PLAC8: variants seen among roughly 807,000 people sequenced by gnomAD.
PLAC8 encodes the protein placenta associated 8.
PLAC8 carries 6 observed loss-of-function variants against 12.6 expected under a neutral mutation model. That is an observed-to-expected ratio of 0.48 (90% CI 0.26 to 0.94). The LOEUF is 0.94. Ranked by LOEUF, PLAC8 falls within the 40% of genes least tolerant of loss-of-function variation. The probability of loss-of-function intolerance (pLI) is 0.14; values close to 1 mark genes in which losing one functional copy is unlikely to be tolerated. For synonymous variants in PLAC8, 54 were observed against 52.6 expected, an observed-to-expected ratio of 1.03 and a Z score of -0.11; for missense variants, 122 against 152.7, an observed-to-expected ratio of 0.80 and a Z score of 1.06.
chr4:83,096,165 C>T (rs1560451957), intron 3 of PLAC8, among the ~76,000 whole-genome samples: 1 of 152,210 alleles, frequency 6.6e-6, no homozygotes, highest in Non-Finnish European at 1.5e-5. Context: ...AACTACGTTT[C>T]TCCCAAAGTT....
chr4:83,113,143 C>G (rs894907810), intron 1 of PLAC8, among the ~76,000 whole-genome samples: 1 of 152,202 alleles, frequency 6.6e-6, no homozygotes, highest in Non-Finnish European at 1.5e-5. Context: ...AAGTCTGTAA[C>G]GTGCACCCGC....
At chr4:83,100,674 C>A (rs1275309575) in intron 3 of PLAC8, among the ~76,000 whole-genome samples, 1 of 152,142 alleles carries the variant, frequency 6.6e-6, no homozygotes, top group Non-Finnish European at 1.5e-5. Context: ...CCTCTCTATT[C>A]CCTGAGACAC....
At chr4:83,096,753 T>C (rs560167909) in intron 3 of PLAC8, among the ~76,000 whole-genome samples, 2 of 152,378 alleles carry the variant, frequency 1.3e-5, no homozygotes, top group South Asian at 2.1e-4. Flanking sequence ...TTATTTTTCC[T>C]ACTTGATATA....
chr4:83,095,908 C>T (rs1483451701), intron 3 of PLAC8, among the ~76,000 whole-genome samples: 1 of 152,134 alleles, frequency 6.6e-6, no homozygotes, highest in African/African-American at 2.4e-5. Context: ...TGAAACTGAA[C>T]ACAGTCACGG....
intron 1 of PLAC8, among the ~76,000 whole-genome samples, chr4:83,111,966 G>A (rs7680309): frequency 0.019 from 2,941 of 152,098 alleles, 97 homozygotes; most frequent in African/African-American, 0.067. Context: ...GCTGAGGTCG[G>A]GAGTTCGAGA....
intron 4 of PLAC8, chr4:83,094,274 TATCATACAGA>T (rs70946967): frequency 0.037 from 5,910 of 158,834 alleles, 134 homozygotes; most frequent in Middle Eastern, 0.057. Flanking sequence ...TCAATCCAAA[TATCATACAGA>T]ATGTTATTTT....
At chr4:83,103,133 C>A (rs6814249) in intron 3 of PLAC8, among the ~76,000 whole-genome samples, 59,679 of 145,186 alleles carry the variant, frequency 0.41, 12,037 homozygotes, top group Middle Eastern at 0.51. Flanking sequence ...GCGGTGGCTT[C>A]TGCCTGTAAT....
intron 2 of PLAC8, among the ~76,000 whole-genome samples, chr4:83,107,217 A>C (rs1175823287): frequency 8.0e-6 from 1 of 124,758 alleles, no homozygotes; most frequent in African/African-American, 3.1e-5. Flanking sequence ...AAACAAAAAA[A>C]AAAAACAAAA....
chr4:83,095,585 G>A (rs545197298), intron 3 of PLAC8, among the ~76,000 whole-genome samples: 14 of 152,294 alleles, frequency 9.2e-5, no homozygotes, highest in African/African-American at 3.1e-4. Flanking sequence ...AAGGGGTAGG[G>A]GGAGAGGGCA....
intron 3 of PLAC8, among the ~76,000 whole-genome samples, chr4:83,104,356 T>C (rs1732186266): frequency 6.6e-6 from 1 of 152,172 alleles, no homozygotes; most frequent in Non-Finnish European, 1.5e-5. Context: ...TATACACACA[T>C]CCACTCCCAA....
chr4:83,095,427 T>C (rs765297195), intron 3 of PLAC8, among the ~76,000 whole-genome samples: 1 of 152,132 alleles, frequency 6.6e-6, no homozygotes, highest in Non-Finnish European at 1.5e-5. Context: ...AAAAACTCAA[T>C]AATTACCAAT....
At chr4:83,094,296 T>G (rs2868733) in intron 4 of PLAC8, 141,421 of 160,100 alleles carry the variant, frequency 0.88, 62,689 homozygotes, top group East Asian at 1. Flanking sequence ...TGTTATTTTC[T>G]TTACTCTTCT....
intron 1 of PLAC8, among the ~76,000 whole-genome samples, chr4:83,112,186 A>T (rs1302312876): frequency 9.4e-6 from 1 of 106,636 alleles, no homozygotes; most frequent in Admixed American, 1.3e-4. Context: ...AAAAAAAAAA[A>T]TTTATATATA....
chr4:83,104,975 G>A lies in PLAC8; in HGVS notation c.164C>T (p.Ala55Val). Residue 55 changes from alanine (A) to valine (V), a missense_variant, in exon 3 of 5, where the codon GCA becomes GTA. Physicochemically the swap from Ala to Val is moderately conservative, Grantham distance 64 (BLOSUM62 0). Transcript: ENST00000311507. ...CAGACAGCATTCATTCATATCAGCT[G>A]CAACTTGACACCCAAGGCACGGGAA... ...FCFPCLGCQV[A>V]ADMNECCLCG... 6.2e-7 allele frequency: 1 copy of A among 1,614,096 alleles called. No individual in the cohort carries two copies. Among genetic ancestry groups the A allele is most frequent in the Non-Finnish European group, 8.5e-7 (1 of 1,179,994 alleles).
At chr4:83,102,106 CTTA>C (rs974112327) in intron 3 of PLAC8, among the ~76,000 whole-genome samples, 11 of 151,602 alleles carry the variant, frequency 7.3e-5, no homozygotes, top group Admixed American at 7.2e-4. Flanking sequence ...ATTTTCAAGT[CTTA>C]TTATTTAAAA....
chr4:83,096,350 C>T (rs1731925321), intron 3 of PLAC8, among the ~76,000 whole-genome samples: 1 of 152,064 alleles, frequency 6.6e-6, no homozygotes, highest in Non-Finnish European at 1.5e-5. Flanking sequence ...CTCAGCTGCA[C>T]CTAGCTGAAA....
chr4:83,105,096 A>G, intron 2 of PLAC8, 76 bp from the exon 3 acceptor site: 1 of 1,569,616 alleles, frequency 6.4e-7, no homozygotes, highest in Non-Finnish European at 8.7e-7. Flanking sequence ...TTGCTTTCAC[A>G]AATGGCAGTC....
chr4:83,099,555 G>A (rs1198696989), intron 3 of PLAC8, among the ~76,000 whole-genome samples: 1 of 152,178 alleles, frequency 6.6e-6, no homozygotes, highest in Non-Finnish European at 1.5e-5. Flanking sequence ...TAGTTTGGAT[G>A]TTGTCCCCAC....
chr4:83,104,018 T>C (rs1264959905), intron 3 of PLAC8, among the ~76,000 whole-genome samples: 1 of 152,152 alleles, frequency 6.6e-6, no homozygotes, highest in African/African-American at 2.4e-5. Context: ...ACCTTCAGTA[T>C]CCAGCACCCT....
Sources: gnomAD v4.1 joint callset for allele counts (sites outside exome capture counted in the v4.1 genomes callset) on GRCh38, gnomAD v4.1.1 for gene constraint, MANE v1.5 for transcripts, NCBI Gene and HGNC (gene_info 2026-07-23, HGNC 2026-07-21) for gene names.